Variants in CAPN1 observed in about 807,000 individuals in gnomAD.
CAPN1 encodes calpain 1.
Under a neutral mutation model 105.2 loss-of-function variants are expected in CAPN1, and 77 were observed. The ratio of observed to expected loss-of-function variants is 0.73; its 90% CI spans 0.61 to 0.88. The LOEUF is 0.88. Among genes scored for constraint, CAPN1 ranks in the 40% least tolerant of loss-of-function variants. CAPN1 has a pLI of 0.00. For missense variants in CAPN1, 833 were observed against 976.6 expected (o/e 0.85, Z 1.96); for synonymous variants, 355 against 388.8 (o/e 0.91, Z 1.02).
intron 10 of CAPN1, among the ~76,000 whole-genome samples, chr11:65,197,624 C>T (rs371755879): frequency 6.6e-5 from 10 of 152,290 alleles, no homozygotes; most frequent in South Asian, 2.1e-4. Flanking sequence ...CAGTGGCTCA[C>T]GCCTGTAATC....
rs767110140 is a variant in CAPN1 at position 65,183,428 on chromosome 11, G to A, written c.338-46G>A. On this transcript the variant is annotated intron_variant, in intron 3 of 21. Transcript: ENST00000279247. ...CTCCCTAGCACCCGCTTCCCCCCCC[G>A]GGGCAGGTTGGTAGAGCAGGCTAAT... 5.6e-6 allele frequency: 8 copies of A among 1,436,564 alleles called. No homozygotes were observed. In the African/African-American group the frequency reaches 7.1e-5, roughly 13 times the overall value. 89.0% of individuals were successfully genotyped at this position (1,436,564 alleles called of 1,614,324 possible).
chr11:65,210,785 C>A lies in CAPN1; in HGVS notation c.2060-29C>A. 3 of 1,593,918 alleles carry A rather than the reference C, an allele frequency of 1.9e-6. No homozygotes were observed. The highest frequency in any genetic ancestry group is 3.3e-5 in the Admixed American group (2 of 59,990). ...CGTGAATATCCCACTGAGTTTTCAG[C>A]CCTGTATCACCTTTTCTTGAACACA... On this transcript the variant is annotated intron_variant, in intron 20 of 21. Transcript: ENST00000279247. The surrounding 1 kb of genome is among the most constrained non-coding windows in gnomAD (Gnocchi z 4.3).
intron 7 of CAPN1, chr11:65,187,627 C>G: frequency 4.3e-6 from 2 of 469,140 alleles, no homozygotes; most frequent in South Asian, 4.2e-5. Context: ...TGGCTCACAC[C>G]TGTAATCCCA....
intron 11 of CAPN1, 48 bp from the exon 12 acceptor site, chr11:65,205,662 C>A: frequency 6.2e-7 from 1 of 1,606,152 alleles, no homozygotes; most frequent in Non-Finnish European, 8.5e-7. Context: ...TGTGACCCCG[C>A]CCTGGGACAA....
rs766718949 is a variant in CAPN1 at position 65,208,986 on chromosome 11, T to C, written c.1730-337T>C. On this transcript the variant is annotated intron_variant, in intron 16 of 21. Coordinates refer to ENST00000279247, the MANE Select transcript of CAPN1 (RefSeq NM_005186.4). This position sits in a 1 kb window ranked among gnomAD's most constrained non-coding sequence, Gnocchi z 4.1. ...ACGGTTTCCTTAAGCAGAGCTTTTC[T>C]CCTCCTCTTCTCTGCTAGTGAAGCA... The C allele has an allele frequency of 2.8e-6, 1 of 362,052 alleles. No individual in the cohort carries two copies. Among genetic ancestry groups the C allele is most frequent in the Non-Finnish European group, 5.2e-6 (1 of 190,534 alleles). The allele number at this position is 362,052 out of a possible 1,614,324, so 22.4% of individuals were successfully genotyped here. A position where few individuals can be genotyped will look rare whatever the true frequency, so the allele number is the denominator to read the frequency against.
At chr11:65,187,358 C>T in intron 7 of CAPN1, 60 bp downstream of exon 7, 1 of 1,173,248 alleles carries the variant, frequency 8.5e-7, no homozygotes, top group Middle Eastern at 1.9e-4. Context: ...CCTGTCCTTG[C>T]CTCTCTGGCA....
intron 10 of CAPN1, among the ~76,000 whole-genome samples, chr11:65,191,639 A>C: frequency 6.6e-6 from 1 of 152,172 alleles, no homozygotes; most frequent in Non-Finnish European, 1.5e-5. Context: ...TTGGCCTCCC[A>C]AAGTGCTGGG....
chr11:65,184,296 G>T (rs1042935254), intron 4 of CAPN1, among the ~76,000 whole-genome samples: 2 of 152,120 alleles, frequency 1.3e-5, no homozygotes, highest in Non-Finnish European at 2.9e-5. Flanking sequence ...CCAGGGTGCG[G>T]AACCCACAGT....
intron 4 of CAPN1, 118 bp from the exon 5 acceptor site, chr11:65,185,799 A>G (rs1948623400): frequency 9.8e-7 from 1 of 1,020,952 alleles, no homozygotes; most frequent in Non-Finnish European, 1.4e-6. Flanking sequence ...GATTTAGTCT[A>G]TGTGTATCTA....
rs962793071 is a variant in CAPN1 at position 65,208,680 on chromosome 11, G to C, written c.1729+418G>C. 3.4e-6 allele frequency: 1 copy of C among 293,990 alleles called. No homozygotes were observed. The highest frequency in any genetic ancestry group is 3.4e-5 in the South Asian group (1 of 29,476). 18.2% of individuals were successfully genotyped at this position (293,990 alleles called of 1,614,324 possible). A position where few individuals can be genotyped will look rare whatever the true frequency, so the allele number is the denominator to read the frequency against. On this transcript the variant is annotated intron_variant, in intron 16 of 21. Coordinates refer to ENST00000279247, the MANE Select transcript of CAPN1 (RefSeq NM_005186.4). The surrounding 1 kb of genome is among the most constrained non-coding windows in gnomAD (Gnocchi z 4.1). ...TATAGTCCCAGCTACTCAGGAGGCT[G>C]AGTTGGGAGGATGGCTTGAGACCAG...
intron 10 of CAPN1, among the ~76,000 whole-genome samples, chr11:65,201,243 C>T (rs983438786): frequency 6.6e-6 from 1 of 151,024 alleles, no homozygotes; most frequent in African/African-American, 2.4e-5. Flanking sequence ...CACGCCTGGT[C>T]GTCTGGCTCA....
intron 10 of CAPN1, among the ~76,000 whole-genome samples, chr11:65,200,401 A>G (rs1457015267): frequency 6.6e-6 from 1 of 151,638 alleles, no homozygotes; most frequent in Non-Finnish European, 1.5e-5. Flanking sequence ...CTGGAGTGCA[A>G]TGGTGTGATC....
chr11:65,189,954 C>A (rs1228009937), intron 10 of CAPN1, among the ~76,000 whole-genome samples: 2 of 152,170 alleles, frequency 1.3e-5, no homozygotes, highest in African/African-American at 2.4e-5. Context: ...TGTGTTCCCA[C>A]CTCCAAATCC....
At position 65,208,160 on chromosome 11, in the gene CAPN1, G is replaced by A. The variant is rs538482322; in HGVS notation, c.1671+40G>A. 4 of 1,595,846 alleles carry A rather than the reference G, an allele frequency of 2.5e-6. No homozygotes were observed. In the South Asian group the frequency reaches 4.5e-5, roughly 18 times the overall value. On this transcript the variant is annotated intron_variant, in intron 15 of 21. Coordinates refer to ENST00000279247, the MANE Select transcript of CAPN1 (RefSeq NM_005186.4). The surrounding 1 kb of genome is among the most constrained non-coding windows in gnomAD (Gnocchi z 4.1). ...GGCAGGTTGGGAGGGGCCTGTGAGG[G>A]GCAGCCCTCTCCTGGGGCAGGTGCC...
chr11:65,211,371 C>A lies in CAPN1; in HGVS notation c.*85C>A. On this transcript the variant is annotated 3_prime_UTR_variant, in exon 22 of 22. Transcript: ENST00000279247. ...TCCTACCACACCACACCAGGCCACCCCAGCTGCAAGTGCCTTCCTTGGAGC... is the reference window on the plus strand; with the variant it reads ...TCCTACCACACCACACCAGGCCACCACAGCTGCAAGTGCCTTCCTTGGAGC... 1 of 1,380,432 alleles carries A rather than the reference C, an allele frequency of 7.2e-7. No homozygotes were observed. The highest frequency in any genetic ancestry group is 1.0e-6 in the Non-Finnish European group (1 of 984,816). 85.5% of individuals were successfully genotyped at this position (1,380,432 alleles called of 1,614,324 possible). A position where few individuals can be genotyped will look rare whatever the true frequency, so the allele number is the denominator to read the frequency against.
At chr11:65,211,162 CTGAGACG>C in intron 21 of CAPN1, 91 bp from the exon 22 acceptor site, 1 of 1,386,368 alleles carries the variant, frequency 7.2e-7, no homozygotes, top group Non-Finnish European at 1.0e-6. Context: ...GAGGTGGCTC[CTGAGACG>C]TGGAGTTGGG....
rs1948670936 is a variant in CAPN1 at position 65,188,482 on chromosome 11, A to C, written c.998A>C (p.Glu333Ala). 6.2e-7 allele frequency: 1 copy of C among 1,612,794 alleles called. No homozygotes were observed. Among genetic ancestry groups the C allele is most frequent in the Non-Finnish European group, 8.5e-7 (1 of 1,179,344 alleles). ...CTCCGGGTCAAGATGGAGGACGGGG[A>C]GTTCTGGTGAGCGCCCCCTCCCCTT... ...DQLRVKMEDG[E>A]FWMSFRDFMR... The change falls in exon 9 of 22, where the codon GAG (glutamate) becomes GCG (alanine). Residue 333 changes from glutamate to alanine, a missense_variant. Glu to Ala is a moderately radical substitution (Grantham distance 107). Coordinates refer to ENST00000279247, the MANE Select transcript of CAPN1 (RefSeq NM_005186.4). This position sits in a 1 kb window ranked among gnomAD's most constrained non-coding sequence, Gnocchi z 5.5.
chr11:65,183,426 C>T (rs889192754), intron 3 of CAPN1, 48 bp from the exon 4 acceptor site: 4 of 1,442,182 alleles, frequency 2.8e-6, no homozygotes, highest in Non-Finnish European at 3.9e-6. Context: ...GCTTCCCCCC[C>T]CGGGGCAGGT....
intron 6 of CAPN1, 91 bp from the exon 7 acceptor site, chr11:65,187,123 AG>A: frequency 1.2e-6 from 1 of 869,146 alleles, no homozygotes; most frequent in Non-Finnish European, 1.9e-6. Flanking sequence ...TGTATGTGCA[AG>A]TGGGAACGTC....
Sources: gnomAD v4.1 joint callset for allele counts (sites outside exome capture counted in the v4.1 genomes callset) on GRCh38, gnomAD v4.1.1 for gene constraint, Gnocchi (gnomAD v3.1) non-coding constraint, MANE v1.5 for transcripts, NCBI Gene and HGNC (gene_info 2026-07-23, HGNC 2026-07-21) for gene names.